Variants in AKT1S1 observed in about 807,000 individuals in gnomAD.
AKT1S1 encodes proline-rich AKT1 substrate 1.
A neutral mutation model predicts 21.2 loss-of-function variants in AKT1S1; 17 were observed. That is an observed-to-expected ratio of 0.80 (90% CI 0.55 to 1.20). AKT1S1 has a LOEUF of 1.20. AKT1S1 is among the 50% of genes most tolerant of loss of function. AKT1S1 has a pLI of 0.00. For missense variants in AKT1S1, 366 were observed against 368.3 expected (o/e 0.99, Z 0.05); for synonymous variants, 181 against 165.6 (o/e 1.09, Z -0.72).
chr19:49,871,272 T>C (rs1475566786), intron 4 of AKT1S1, among the ~76,000 whole-genome samples: 2 of 152,336 alleles, frequency 1.3e-5, no homozygotes, highest in East Asian at 1.9e-4. Flanking sequence ...CTGGAGGGCA[T>C]GCCAAAACAC....
At chr19:49,875,781 G>A (rs1341410989) in intron 1 of AKT1S1, 10 of 927,176 alleles carry the variant, frequency 1.1e-5, no homozygotes, top group Middle Eastern at 5.5e-4. Context: ...AAAAAGGACA[G>A]GGCGACTTCC....
Position 49,873,095 on chromosome 19 carries a change from C to A in AKT1S1, c.201G>T (p.Leu67=). ...AARRCLHDIA[L]AHRAATAARP... ...GAGCAGCAGTGGCAGCCCTGTGGGCCAGTGCGATGTCGTGGAGGCAACGGC... is the reference window on the plus strand; with the variant it reads ...GAGCAGCAGTGGCAGCCCTGTGGGCAAGTGCGATGTCGTGGAGGCAACGGC... Residue 67 remains leucine, a synonymous_variant, in exon 2 of 5, where the codon CTG becomes CTT. Transcript: ENST00000344175. This position sits in a 1 kb window ranked among gnomAD's most constrained non-coding sequence, Gnocchi z 6.9. 1 of 1,549,118 alleles carries A rather than the reference C, an allele frequency of 6.5e-7. No homozygotes were observed. Among genetic ancestry groups the A allele is most frequent in the South Asian group, 1.2e-5 (1 of 84,398 alleles).
At chr19:49,875,266 G>A (rs1298649820) in intron 1 of AKT1S1, 2 of 152,162 alleles carry the variant, frequency 1.3e-5, no homozygotes, top group Non-Finnish European at 1.5e-5. Flanking sequence ...GCCTTTAGGA[G>A]GGCAGATATT....
At chr19:49,876,978 C>T (rs2074955569) in intron 1 of AKT1S1, 1 of 330,930 alleles carries the variant, frequency 3.0e-6, no homozygotes, top group East Asian at 4.7e-5. Flanking sequence ...GGCAGCCAAC[C>T]GGGCTTAATC....
intron 1 of AKT1S1, chr19:49,875,796 A>T (rs3810267): frequency 3.1e-6 from 3 of 967,844 alleles, no homozygotes; most frequent in Non-Finnish European, 3.7e-6. Flanking sequence ...ACTTCCACAG[A>T]CCTCTTTGCC....
In AKT1S1 at chr19:49,871,634, G is replaced by A. The variant is rs140670448; in HGVS notation, c.540C>T (p.Tyr180=). 2.5e-4 allele frequency: 403 copies of A among 1,613,922 alleles called. No individual in the cohort carries two copies. The highest frequency in any genetic ancestry group is 1.7e-4 in the Non-Finnish European group (206 of 1,180,016). ...GCACAGACACAGGCAGGGACTTGGC[G>A]TACTGCTGTGTGGGTAGGGCTGAGG... ...PPASALPTQQ[Y]AKSLPVSVPV... is the part of the protein sequence containing the mutation. The change falls in exon 4 of 5, where the codon TAC becomes TAT. Residue 180 remains tyrosine, a synonymous_variant. Transcript: ENST00000344175.
chr19:49,878,336 C>A, upstream of AKT1S1: 2 of 1,295,772 alleles, frequency 1.5e-6, no homozygotes, highest in South Asian at 1.3e-5. Context: ...GTCTGGCGGT[C>A]AGCAGTGGGA....
In AKT1S1 at chr19:49,873,474, C is replaced by G. The variant is rs1170900072; in HGVS notation, c.-7-172G>C. 11 of 1,227,714 alleles carry G rather than the reference C, an allele frequency of 9.0e-6. No individual in the cohort carries two copies. Among genetic ancestry groups the G allele is most frequent in the Non-Finnish European group, 1.2e-5 (11 of 946,686 alleles). 76.1% of individuals were successfully genotyped at this position (1,227,714 alleles called of 1,614,324 possible). A position where few individuals can be genotyped will look rare whatever the true frequency, so the allele number is the denominator to read the frequency against. On this transcript the variant is annotated intron_variant, in intron 1 of 4. Coordinates refer to ENST00000344175, the MANE Select transcript of AKT1S1 (RefSeq NM_001098633.4). The surrounding 1 kb of genome is among the most constrained non-coding windows in gnomAD (Gnocchi z 6.9). The stretch of plus-strand genomic sequence containing the variant: ...GCTACTCCCCAGGATTCTCACCATC[C>G]AGTCCTCGCAGGCCCAGACCCTGGC...
intron 1 of AKT1S1, chr19:49,876,707 C>T (rs902416590): frequency 1.4e-6 from 2 of 1,419,378 alleles, no homozygotes; most frequent in Non-Finnish European, 1.9e-6. Flanking sequence ...TCTCCGCACA[C>T]TCCGCCTCCC....
chr19:49,877,865 CTT>C, upstream of AKT1S1: 6 of 1,234,942 alleles, frequency 4.9e-6, no homozygotes, highest in Non-Finnish European at 5.6e-6. Flanking sequence ...ACACCGATCT[CTT>C]ATAAACGCGC....
At chr19:49,875,918 AGAT>A (rs2074935736) in intron 1 of AKT1S1, 1 of 985,236 alleles carries the variant, frequency 1.0e-6, no homozygotes, top group African/African-American at 1.7e-5. Flanking sequence ...AGGAGCTGAG[AGAT>A]GGAGGAAGAA....
Position 49,869,863 on chromosome 19 carries a change from G to A in AKT1S1, c.*54C>T. 1 of 1,403,824 alleles carries A rather than the reference G, an allele frequency of 7.1e-7. No homozygotes were observed. The highest frequency in any genetic ancestry group is 9.4e-7 in the Non-Finnish European group (1 of 1,062,342). The allele number at this position is 1,403,824 out of a possible 1,614,324, so 87.0% of individuals were successfully genotyped here. A position where few individuals can be genotyped will look rare whatever the true frequency, so the allele number is the denominator to read the frequency against. ...ATTAGCAGGCCCCGGGAGTGGGGCG[G>A]GGGCGTAGTGTGGGACGGGGCGGAC... On this transcript the variant is annotated 3_prime_UTR_variant, in exon 5 of 5. Transcript: ENST00000344175.
intron 1 of AKT1S1, chr19:49,876,941 G>C: frequency 2.6e-6 from 1 of 383,862 alleles, no homozygotes; most frequent in Non-Finnish European, 4.7e-6. Context: ...GACAAAAGTA[G>C]AGGAAATCGG....
In AKT1S1 at chr19:49,873,288, G is replaced by A. The variant is rs750334898; in HGVS notation, c.8C>T (p.Ser3Leu). MA[S>L]GRPEELWEAV... is the part of the protein sequence containing the mutation. The stretch of plus-strand genomic sequence containing the variant: ...CTCCCACAGCTCCTCGGGGCGCCCC[G>A]ACGCCATCCGCGCCCTGCGGGCCAG... Residue 3 changes from serine to leucine, a missense_variant, in exon 2 of 5, where the codon TCG becomes TTG. Ser to Leu is a moderately radical substitution (Grantham distance 145). Transcript: ENST00000344175. This position sits in a 1 kb window ranked among gnomAD's most constrained non-coding sequence, Gnocchi z 6.9. 4.7e-5 allele frequency: 71 copies of A among 1,506,178 alleles called. No individual in the cohort carries two copies. The highest frequency in any genetic ancestry group is 8.0e-5 in the East Asian group (3 of 37,550). The allele number at this position is 1,506,178 out of a possible 1,614,324, so 93.3% of individuals were successfully genotyped here. A position where few individuals can be genotyped will look rare whatever the true frequency, so the allele number is the denominator to read the frequency against.
In AKT1S1 at chr19:49,876,835, G is replaced by T. The variant is rs562509218; in HGVS notation, c.-8+402C>A. 4.7e-4 allele frequency: 288 copies of T among 611,992 alleles called. 6 individuals are homozygous for T. In the South Asian group the frequency reaches 8.9e-3, roughly 19 times the overall value. The allele number at this position is 611,992 out of a possible 1,614,324, so 37.9% of individuals were successfully genotyped here. The stretch of plus-strand genomic sequence containing the variant: ...GGCCCCGCCTAGAGCATTTCCATTT[G>T]CCCCCAACAATAATGGCCGTCCTCA... On this transcript the variant is annotated intron_variant, in intron 1 of 4. Coordinates refer to ENST00000344175, the MANE Select transcript of AKT1S1 (RefSeq NM_001098633.4).
chr19:49,878,177 C>T, upstream of AKT1S1: 2 of 1,577,136 alleles, frequency 1.3e-6, no homozygotes, highest in Admixed American at 1.8e-5. Context: ...TACCTGCACA[C>T]CAGCGCTAAG....
chr19:49,871,403 T>C lies in AKT1S1; in HGVS notation c.627+144A>G, dbSNP rs1249139831. The C allele has an allele frequency of 2.7e-6, 3 of 1,123,156 alleles. No individual in the cohort carries two copies. In the African/African-American group the frequency reaches 4.6e-5, roughly 17 times the overall value. The allele number at this position is 1,123,156 out of a possible 1,614,324, so 69.6% of individuals were successfully genotyped here. A position where few individuals can be genotyped will look rare whatever the true frequency, so the allele number is the denominator to read the frequency against. On this transcript the variant is annotated intron_variant, in intron 4 of 4. Coordinates refer to ENST00000344175, the MANE Select transcript of AKT1S1 (RefSeq NM_001098633.4). ...AATTGTTAAAACTGCAAGGCTCGTGTCCAAGAACTCGCCTCTTGAGGTTGA... is the reference window on the plus strand; with the variant it reads ...AATTGTTAAAACTGCAAGGCTCGTGCCCAAGAACTCGCCTCTTGAGGTTGA...
intron 2 of AKT1S1, among the ~76,000 whole-genome samples, chr19:49,872,114 A>G (rs1347236674): frequency 6.6e-6 from 1 of 152,230 alleles, no homozygotes; most frequent in Admixed American, 6.5e-5. Flanking sequence ...AGCTGCACAC[A>G]ACGGGCTGCT....
In AKT1S1 at chr19:49,869,756, TG is replaced by T. The variant is rs1042747364; in HGVS notation, c.*160del. ...CTCCTCGGCGCGGCAGGTCGTGGGC[TG>T]GAAGGACGGCGGGGATTGGCAGAGG... is the stretch of plus-strand genomic sequence containing the variant. On this transcript the variant is annotated 3_prime_UTR_variant, in exon 5 of 5. Coordinates refer to ENST00000344175, the MANE Select transcript of AKT1S1 (RefSeq NM_001098633.4). 113 of 868,738 alleles carry T rather than the reference TG, an allele frequency of 1.3e-4. No homozygotes were observed. The highest frequency in any genetic ancestry group is 3.8e-4 in the Middle Eastern group (1 of 2,626). 53.8% of individuals were successfully genotyped at this position (868,738 alleles called of 1,614,324 possible).
Sources: allele counts gnomAD v4.1 joint callset (sites outside exome capture counted in the v4.1 genomes callset), GRCh38; gene constraint gnomAD v4.1.1; non-coding constraint Gnocchi (gnomAD v3.1); transcripts MANE v1.5; gene names NCBI Gene and HGNC (gene_info 2026-07-23, HGNC 2026-07-21).